Variants in NCBP3 observed in about 807,000 individuals in gnomAD.
NCBP3 encodes nuclear cap-binding protein subunit 3.
Under a neutral mutation model 75.7 loss-of-function variants are expected in NCBP3, and 20 were observed. The ratio of observed to expected loss-of-function variants is 0.26; its 90% CI spans 0.19 to 0.38. The LOEUF (loss-of-function observed/expected upper bound fraction) is 0.38, where lower values mean the gene tolerates loss of function less well. NCBP3 is among the 10% of genes least tolerant of loss of function. NCBP3 has a pLI of 1.00. For missense variants in NCBP3, 678 were observed against 796.9 expected (o/e 0.85, Z 1.80); for synonymous variants, 293 against 290.5 (o/e 1.01, Z -0.09).
chr17:3,827,245 A>G (rs1034072688), intron 4 of NCBP3, among the ~76,000 whole-genome samples: 1 of 152,254 alleles, frequency 6.6e-6, no homozygotes, highest in African/African-American at 2.4e-5. Flanking sequence ...TATTTAAACT[A>G]CTTGGAACAG....
intron 3 of NCBP3, among the ~76,000 whole-genome samples, chr17:3,831,430 G>A (rs1304734462): frequency 2.6e-5 from 4 of 151,258 alleles, no homozygotes; most frequent in Non-Finnish European, 4.4e-5. Context: ...AAAATTAGCT[G>A]GGTGTGGTGG....
At position 3,818,645 on chromosome 17, in the gene NCBP3, GT is replaced by G. The variant is rs2053602012; in HGVS notation, c.1001-74del. On this transcript the variant is annotated intron_variant, in intron 9 of 12. Coordinates refer to ENST00000389005, the MANE Select transcript of NCBP3 (RefSeq NM_001114118.3). This position sits in a 1 kb window ranked among gnomAD's most constrained non-coding sequence, Gnocchi z 4.7. Reference sequence around the variant, plus strand: ...AAGTATGATTTTCTACTCTACATCGGTGACCTTTTTAAAAGGTGGGGTTCCC... The same window carrying G: ...AAGTATGATTTTCTACTCTACATCGGGACCTTTTTAAAAGGTGGGGTTCCC... The G allele has an allele frequency of 1.3e-6, 2 of 1,496,112 alleles. No individual in the cohort carries two copies. The highest frequency in any genetic ancestry group is 1.8e-6 in the Non-Finnish European group (2 of 1,125,222). 92.7% of individuals were successfully genotyped at this position (1,496,112 alleles called of 1,614,324 possible).
At chr17:3,814,915 T>C (rs371078973) in intron 11 of NCBP3, among the ~76,000 whole-genome samples, 2 of 152,310 alleles carry the variant, frequency 1.3e-5, no homozygotes, top group East Asian at 3.9e-4. Context: ...AAGGATCAAA[T>C]GTGTTTTTCC....
chr17:3,824,301 A>G (rs564198824), intron 7 of NCBP3: 1 of 152,056 alleles, frequency 6.6e-6, no homozygotes, highest in East Asian at 1.9e-4. Context: ...AAAAAAACCA[A>G]TATGTGTATA....
In NCBP3 at chr17:3,831,489, C is replaced by T. The variant is rs1356881343; in HGVS notation, c.356-2121G>A. 6.8e-5 allele frequency among the ~76,000 whole-genome samples: 10 copies of T among 147,194 alleles called. No homozygotes were observed. In the South Asian group the frequency reaches 9.1e-4, roughly 13 times the overall value. ...TTGGGAGGCCGAGGCAGGAGAATGG[C>T]GTGAACCCGGGAGGCGGAGCTTGCA... On this transcript the variant is annotated intron_variant, in intron 3 of 12. Transcript: ENST00000389005.
In NCBP3 at chr17:3,821,295, C is replaced by A. The variant is rs1307636472; in HGVS notation, c.954G>T (p.Leu318=). Residue 318 remains leucine (L), a synonymous_variant, in exon 9 of 13, where the codon CTG becomes CTT. Transcript: ENST00000389005. ...IQRDVIKKRA[L]IGDDVGLTSY... ...ACGTCAAGCCAACGTCATCCCCAATCAGGGCTCTCTTCTTGATCACGTCCC... is the reference window on the plus strand; with the variant it reads ...ACGTCAAGCCAACGTCATCCCCAATAAGGGCTCTCTTCTTGATCACGTCCC... The A allele has an allele frequency of 4.3e-6, 7 of 1,614,038 alleles. No homozygotes were observed. Among genetic ancestry groups the A allele is most frequent in the African/African-American group, 1.3e-5 (1 of 74,936 alleles).
At chr17:3,820,072 G>C (rs2053633783) in intron 9 of NCBP3, among the ~76,000 whole-genome samples, 1 of 152,136 alleles carries the variant, frequency 6.6e-6, no homozygotes, top group Non-Finnish European at 1.5e-5. Context: ...AGCCTCCCAA[G>C]TAGCTGGGAC....
intron 12 of NCBP3, 73 bp downstream of exon 12, chr17:3,814,249 T>C (rs1220117800): frequency 4.0e-6 from 6 of 1,487,024 alleles, no homozygotes; most frequent in Non-Finnish European, 5.5e-6. Context: ...GCTAAGAAAG[T>C]ATTTCTCCAA....
Position 3,812,831 on chromosome 17 carries a change from G to T in NCBP3, c.*213C>A. On this transcript the variant is annotated 3_prime_UTR_variant, in exon 13 of 13. Coordinates refer to ENST00000389005, the MANE Select transcript of NCBP3 (RefSeq NM_001114118.3). Reference sequence around the variant, plus strand: ...TGTGGGGTGGTGGGAAAGGAATCGAGGGCCCAGAACTACAACTCTGCAGCG... The same window carrying T: ...TGTGGGGTGGTGGGAAAGGAATCGATGGCCCAGAACTACAACTCTGCAGCG... 1 of 1,393,012 alleles carries T rather than the reference G, an allele frequency of 7.2e-7. No individual in the cohort carries two copies. The highest frequency in any genetic ancestry group is 3.0e-5 in the Admixed American group (1 of 33,282). The allele number at this position is 1,393,012 out of a possible 1,614,324, so 86.3% of individuals were successfully genotyped here.
intron 12 of NCBP3, 150 bp downstream of exon 12, chr17:3,814,172 G>A (rs759272171): frequency 2.5e-6 from 2 of 784,592 alleles, no homozygotes; most frequent in Admixed American, 5.8e-5. Flanking sequence ...TGATGCTGAT[G>A]CTGACGATAA....
At chr17:3,814,847 T>C (rs1335200490) in intron 11 of NCBP3, among the ~76,000 whole-genome samples, 1 of 152,086 alleles carries the variant, frequency 6.6e-6, no homozygotes, top group Admixed American at 6.6e-5. Context: ...AACATACAAG[T>C]AGTTCCCAAT....
chr17:3,844,190 T>C (rs1230701195), intron 1 of NCBP3, among the ~76,000 whole-genome samples: 1 of 152,142 alleles, frequency 6.6e-6, no homozygotes, highest in African/African-American at 2.4e-5. Flanking sequence ...TACAGCACAG[T>C]GCAATGCAAA....
chr17:3,841,135 C>G (rs946864027), intron 2 of NCBP3, among the ~76,000 whole-genome samples: 1 of 152,132 alleles, frequency 6.6e-6, no homozygotes, highest in Non-Finnish European at 1.5e-5. Context: ...CACCACCACG[C>G]CCAGCTAATT....
At chr17:3,821,614 G>T (rs2053667181) in intron 8 of NCBP3, among the ~76,000 whole-genome samples, 1 of 152,082 alleles carries the variant, frequency 6.6e-6, no homozygotes, top group Admixed American at 6.6e-5. Flanking sequence ...GTAGAGACGG[G>T]GTTTCACCAT....
At chr17:3,822,525 T>C (rs2053687720) in intron 7 of NCBP3, 1 of 153,436 alleles carries the variant, frequency 6.5e-6, no homozygotes, top group African/African-American at 2.4e-5. Flanking sequence ...ATTTTTCCAG[T>C]TTATTGTGCT....
chr17:3,840,090 C>T lies in NCBP3; in HGVS notation c.355+10G>A. ...AAATGTGGACAAATTTCCCACAAAACACCCTGTACCTTTCTTCATCATGTC... is the reference window on the plus strand; with the variant it reads ...AAATGTGGACAAATTTCCCACAAAATACCCTGTACCTTTCTTCATCATGTC... On this transcript the variant is annotated intron_variant, in intron 3 of 12. Transcript: ENST00000389005. 1 of 1,547,554 alleles carries T rather than the reference C, an allele frequency of 6.5e-7. No homozygotes were observed. The highest frequency in any genetic ancestry group is 8.7e-7 in the Non-Finnish European group (1 of 1,143,546).
intron 3 of NCBP3, among the ~76,000 whole-genome samples, chr17:3,835,436 C>T (rs949583464): frequency 2.0e-5 from 3 of 152,166 alleles, no homozygotes; most frequent in African/African-American, 4.8e-5. Flanking sequence ...AACGGCAAAG[C>T]GTTTAGAGAA....
At position 3,806,603 on chromosome 17, in the gene NCBP3, T is replaced by G. The variant is rs1467183348; in HGVS notation, c.*6441A>C. 2.0e-5 allele frequency: 3 copies of G among 151,960 alleles called. No homozygotes were observed. Among genetic ancestry groups the G allele is most frequent in the African/African-American group, 7.3e-5 (3 of 41,338 alleles). The allele number at this position is 151,960 out of a possible 1,614,324, so 9.4% of individuals were successfully genotyped here. ...CTATACTCTCAAGTTTTATGGATAGTGCAGCCAAATTCCACTCGGATGCCT... is the reference window on the plus strand; with the variant it reads ...CTATACTCTCAAGTTTTATGGATAGGGCAGCCAAATTCCACTCGGATGCCT... On this transcript the variant is annotated 3_prime_UTR_variant, in exon 13 of 13. Coordinates refer to ENST00000389005, the MANE Select transcript of NCBP3 (RefSeq NM_001114118.3).
chr17:3,833,342 G>A (rs1366434513), intron 3 of NCBP3, among the ~76,000 whole-genome samples: 1 of 152,116 alleles, frequency 6.6e-6, no homozygotes, highest in African/African-American at 2.4e-5. Context: ...TTGAATTCCT[G>A]ACCTCAAGTG....
Sources: gnomAD v4.1 joint callset for allele counts (sites outside exome capture counted in the v4.1 genomes callset) on GRCh38, gnomAD v4.1.1 for gene constraint, Gnocchi (gnomAD v3.1) non-coding constraint, MANE v1.5 for transcripts, NCBI Gene and HGNC (gene_info 2026-07-23, HGNC 2026-07-21) for gene names.